ZNF420: variants seen among roughly 807,000 people sequenced by gnomAD.
The protein encoded by ZNF420 is zinc finger protein 420.
ZNF420 carries 31 observed loss-of-function variants against 44.7 expected under a neutral mutation model. That is an observed-to-expected ratio of 0.69 (90% confidence interval 0.52 to 0.94). The LOEUF (loss-of-function observed/expected upper bound fraction) is 0.94, where lower values mean the gene tolerates loss of function less well. Ranked by LOEUF, ZNF420 falls within the 40% of genes least tolerant of loss-of-function variation. The pLI is 0.00. For missense variants in ZNF420, 681 were observed against 827.9 expected (o/e 0.82, Z 2.18); for synonymous variants, 245 against 267.4 (o/e 0.92, Z 0.82).
chr19:37,043,761 C>T (rs1476086374), intron 1 of ZNF420, among the ~76,000 whole-genome samples: 4 of 152,128 alleles, frequency 2.6e-5, no homozygotes, highest in African/African-American at 9.7e-5. Flanking sequence ...GCATGAGCCA[C>T]CATGCCTGGC....
At chr19:37,079,349 T>C (rs141024003) in intron 1 of ZNF420, among the ~76,000 whole-genome samples, 149 of 152,322 alleles carry the variant, frequency 9.8e-4, no homozygotes, top group African/African-American at 3.5e-3. Flanking sequence ...AATTTCTTTT[T>C]GGTATTTCTG....
intron 1 of ZNF420, among the ~76,000 whole-genome samples, chr19:37,066,647 T>C (rs2146448686): frequency 6.6e-6 from 1 of 152,240 alleles, no homozygotes; most frequent in Middle Eastern, 3.4e-3. Context: ...GCACCAAATG[T>C]TGGCAAAGAG....
intron 1 of ZNF420, among the ~76,000 whole-genome samples, chr19:37,028,706 TG>T (rs1967195819): frequency 1.3e-5 from 2 of 152,214 alleles, no homozygotes; most frequent in African/African-American, 4.8e-5. Context: ...TGTGTGTGTT[TG>T]TTCCTTCCCT....
chr19:37,025,347 G>GT (rs1014551561), intron 1 of ZNF420: 4 of 175,238 alleles, frequency 2.3e-5, no homozygotes, highest in Admixed American at 1.2e-4. Context: ...TGAAAATCTT[G>GT]TTTTTTTAAA....
chr19:37,128,957 T>G lies in ZNF420; in HGVS notation c.1966T>G (p.Ser656Ala). 2 of 1,614,148 alleles carry G rather than the reference T, an allele frequency of 1.2e-6. No individual in the cohort carries two copies. The highest frequency in any genetic ancestry group is 1.7e-6 in the Non-Finnish European group (2 of 1,180,000). Residue 656 changes from serine to alanine, a missense_variant, in exon 5 of 5, where the codon TCA (serine) becomes GCA (alanine). Ser to Ala is a moderately conservative substitution (Grantham distance 99). Coordinates refer to ENST00000337995, the MANE Select transcript of ZNF420 (RefSeq NM_144689.5). ...ATGTGGGAAGGCCTTTACTCGTGGT[T>G]CACAGCTAACTCAACATCAGAGAAT... Reference protein sequence around the residue: ...KECGKAFTRGSQLTQHQRIHI... With the variant: ...KECGKAFTRGAQLTQHQRIHI...
intron 1 of ZNF420, among the ~76,000 whole-genome samples, chr19:37,014,654 C>G (rs1167605638): frequency 2.0e-5 from 3 of 152,208 alleles, no homozygotes; most frequent in African/African-American, 7.2e-5. Context: ...GCAGCGCGCG[C>G]GAGCCGACCA....
Position 37,031,756 on chromosome 19 carries a change from T to C in ZNF420, c.-125+23674T>C, listed in dbSNP as rs117542033. Among the ~76,000 whole-genome samples, 939 of 152,194 alleles carry C rather than the reference T, an allele frequency of 6.2e-3. 27 individuals carry two copies. Among genetic ancestry groups the C allele is most frequent in the East Asian group, 0.05 (258 of 5,164 alleles). ...CAAACTCCTGACCCCAAAACCTGGC[T>C]TTATTATGTATTTTTTATGTGCCTA... On this transcript the variant is annotated intron_variant, in intron 1 of 4. Coordinates refer to the ZNF420 transcript ENST00000587029.
rs543908458 is a variant in ZNF420 at position 37,102,180 on chromosome 19, C to T, written c.136+11059C>T. Among the ~76,000 whole-genome samples, 7 of 121,122 alleles carry T rather than the reference C, an allele frequency of 5.8e-5. No homozygotes were observed. The South Asian group carries it at 1.6e-3, about 28-fold the overall frequency. 79.5% of individuals were successfully genotyped at this position (121,122 alleles called of 152,430 possible). A position where few individuals can be genotyped will look rare whatever the true frequency, so the allele number is the denominator to read the frequency against. ...TCTCAGCCCACATGGGTGTGTCTCC[C>T]ACCGTGTCTACACGGAGGGGATAGT... On this transcript the variant is annotated intron_variant, in intron 4 of 4. Coordinates refer to ENST00000337995, the MANE Select transcript of ZNF420 (RefSeq NM_144689.5).
intron 4 of ZNF420, among the ~76,000 whole-genome samples, chr19:37,124,839 G>A (rs544695770): frequency 1.3e-5 from 2 of 150,662 alleles, no homozygotes; most frequent in African/African-American, 4.9e-5. Flanking sequence ...AGCTGATTTT[G>A]TATTTTGTTT....
intron 1 of ZNF420, among the ~76,000 whole-genome samples, chr19:37,069,516 G>T (rs2146452247): frequency 2.0e-5 from 3 of 152,140 alleles, no homozygotes; most frequent in Admixed American, 2.0e-4. Context: ...TACCAAGCAT[G>T]ACAGCTTAGC....
At chr19:37,112,434 C>T (rs115267461) in intron 4 of ZNF420, among the ~76,000 whole-genome samples, 2,934 of 152,250 alleles carry the variant, frequency 0.019, 79 homozygotes, top group East Asian at 0.049. Flanking sequence ...AAAATCTCAG[C>T]ACTTTGATAC....
chr19:37,032,201 G>A (rs372570661), intron 1 of ZNF420, among the ~76,000 whole-genome samples: 232 of 152,214 alleles, frequency 1.5e-3, no homozygotes, highest in African/African-American at 4.7e-3. Context: ...TTAGCCTGGC[G>A]TGGTGGCATG....
chr19:37,050,580 G>C (rs1967620775), intron 1 of ZNF420, among the ~76,000 whole-genome samples: 1 of 152,092 alleles, frequency 6.6e-6, no homozygotes, highest in African/African-American at 2.4e-5. Flanking sequence ...CTGAGACTTT[G>C]CTGTAGTTGC....
intron 1 of ZNF420, among the ~76,000 whole-genome samples, chr19:37,067,297 C>G (rs1239859979): frequency 6.6e-6 from 1 of 152,132 alleles, no homozygotes; most frequent in Non-Finnish European, 1.5e-5. Flanking sequence ...ACTGTATGTA[C>G]ATTTTACCTA....
In ZNF420 at chr19:37,127,996, T is replaced by G; in HGVS notation, c.1005T>G (p.Tyr335Ter). ...HQKIHNGEKPYECKECGRAFI... is the reference protein window; with the variant it reads ...HQKIHNGEKP ...AAATTCATAATGGGGAAAAACCATATGAATGTAAGGAATGTGGAAGGGCCT... is the reference window on the plus strand; with the variant it reads ...AAATTCATAATGGGGAAAAACCATAGGAATGTAAGGAATGTGGAAGGGCCT... The change falls in exon 5 of 5, where the codon TAT (tyrosine) becomes TAG (stop). Residue 335 changes from tyrosine (Y) to a stop codon, truncating the protein, a stop_gained. Coordinates refer to ENST00000337995, the MANE Select transcript of ZNF420 (RefSeq NM_144689.5). LOFTEE classifies it high-confidence loss of function. 1 of 1,613,776 alleles carries G rather than the reference T, an allele frequency of 6.2e-7. No individual in the cohort carries two copies. Among genetic ancestry groups the G allele is most frequent in the Non-Finnish European group, 8.5e-7 (1 of 1,179,900 alleles).
chr19:37,106,008 T>C (rs1015609597), intron 4 of ZNF420, among the ~76,000 whole-genome samples: 2 of 152,214 alleles, frequency 1.3e-5, no homozygotes, highest in African/African-American at 4.8e-5. Context: ...CTTTTCCTAA[T>C]TGAATACCCT....
intron 4 of ZNF420, among the ~76,000 whole-genome samples, chr19:37,118,322 C>T (rs1377370403): frequency 6.6e-6 from 1 of 152,190 alleles, no homozygotes; most frequent in African/African-American, 2.4e-5. Context: ...CAATATTCAA[C>T]ATTCTTAAAA....
chr19:37,099,598 A>G (rs117578358), intron 4 of ZNF420, among the ~76,000 whole-genome samples: 8,072 of 152,082 alleles, frequency 0.053, 303 homozygotes, highest in East Asian at 0.17. Context: ...TAGTTTGTGA[A>G]TATTTTCTTC....
chr19:37,113,301 C>G (rs1336037251), intron 4 of ZNF420, among the ~76,000 whole-genome samples: 1 of 152,030 alleles, frequency 6.6e-6, no homozygotes, highest in Non-Finnish European at 1.5e-5. Flanking sequence ...TTTTTGATGA[C>G]CAATTTGTCC....
Sources: allele counts gnomAD v4.1 joint callset (sites outside exome capture counted in the v4.1 genomes callset), GRCh38; gene constraint gnomAD v4.1.1; transcripts MANE v1.5; gene names NCBI Gene and HGNC (gene_info 2026-07-23, HGNC 2026-07-21).